The following FBXL17 variants were observed in gnomAD, a reference collection of about 807,000 sequenced individuals.
FBXL17 encodes F-box/LRR-repeat protein 17.
A neutral mutation model predicts 66.2 loss-of-function variants in FBXL17; 22 were observed. That is an observed-to-expected ratio of 0.33 (90% CI 0.24 to 0.47). FBXL17 has a LOEUF of 0.47. Ranked by LOEUF, FBXL17 falls within the 20% of genes least tolerant of loss-of-function variation. The probability of loss-of-function intolerance (pLI) is 1.00; values close to 1 mark genes in which losing one functional copy is unlikely to be tolerated. For synonymous variants in FBXL17, 474 were observed against 400.5 expected, an observed-to-expected ratio of 1.18 and a Z score of -2.19; for missense variants, 878 against 948.2, an observed-to-expected ratio of 0.93 and a Z score of 0.97.
intron 6 of FBXL17, among the ~76,000 whole-genome samples, chr5:108,114,470 GA>G (rs1750165149): frequency 6.6e-6 from 1 of 152,192 alleles, no homozygotes; most frequent in African/African-American, 2.4e-5. Flanking sequence ...AATTAGGCAA[GA>G]AAATAATTTT....
At chr5:107,943,579 T>C (rs1471214136) in intron 7 of FBXL17, among the ~76,000 whole-genome samples, 9 of 149,224 alleles carry the variant, frequency 6.0e-5, no homozygotes, top group African/African-American at 2.2e-4. Context: ...TCTACTGCAA[T>C]CATTGTAGTT....
chr5:108,297,747 A>T (rs1322656767), intron 4 of FBXL17: 2 of 633,224 alleles, frequency 3.2e-6, no homozygotes, highest in Admixed American at 1.3e-4. Context: ...AACTTCAAAA[A>T]AAGTTTATTC....
intron 6 of FBXL17, among the ~76,000 whole-genome samples, chr5:108,113,093 A>T (rs1221026077): frequency 6.6e-6 from 1 of 152,194 alleles, no homozygotes; most frequent in Non-Finnish European, 1.5e-5. Context: ...CTAATAACTC[A>T]CCCAGTCTTT....
chr5:108,144,542 C>T (rs1751483325), intron 6 of FBXL17, among the ~76,000 whole-genome samples: 1 of 152,166 alleles, frequency 6.6e-6, no homozygotes, highest in African/African-American at 2.4e-5. Context: ...CCGACTTCTG[C>T]AGATTTTTCT....
At chr5:108,187,214 G>C (rs1753273640) in intron 5 of FBXL17, among the ~76,000 whole-genome samples, 1 of 152,120 alleles carries the variant, frequency 6.6e-6, no homozygotes, top group East Asian at 1.9e-4. Flanking sequence ...TTTACATAAA[G>C]GTGGTAGGAT....
chr5:108,341,470 A>T (rs1580850641), intron 4 of FBXL17, among the ~76,000 whole-genome samples: 1 of 152,180 alleles, frequency 6.6e-6, no homozygotes, highest in East Asian at 1.9e-4. Flanking sequence ...AGCAGCAGCA[A>T]ATTTAATAAA....
intron 7 of FBXL17, among the ~76,000 whole-genome samples, chr5:107,915,455 T>G (rs1424172308): frequency 6.6e-6 from 1 of 152,178 alleles, no homozygotes; most frequent in African/African-American, 2.4e-5. Context: ...AGGGCTGGGA[T>G]AGGGGACTGG....
intron 6 of FBXL17, among the ~76,000 whole-genome samples, chr5:108,085,630 T>C (rs1748940054): frequency 6.6e-6 from 1 of 152,162 alleles, no homozygotes; most frequent in Non-Finnish European, 1.5e-5. Context: ...GCATACTGAA[T>C]ACTTTGAACA....
chr5:107,975,577 C>T (rs1465437949), intron 7 of FBXL17, among the ~76,000 whole-genome samples: 3 of 152,062 alleles, frequency 2.0e-5, no homozygotes, highest in Admixed American at 6.6e-5. Flanking sequence ...TGTTTTGGCA[C>T]ACTCTATTAT....
At chr5:108,375,593 C>G (rs994978350) in intron 1 of FBXL17, among the ~76,000 whole-genome samples, 32 of 152,050 alleles carry the variant, frequency 2.1e-4, no homozygotes, top group African/African-American at 6.5e-4. Context: ...AATAGAAAAT[C>G]TGAGTAGATG....
At chr5:108,110,656 A>T (rs1749996953) in intron 6 of FBXL17, among the ~76,000 whole-genome samples, 1 of 151,850 alleles carries the variant, frequency 6.6e-6, no homozygotes, top group East Asian at 1.9e-4. Flanking sequence ...AGTATTCTTT[A>T]TTTTCTTGTT....
intron 8 of FBXL17, among the ~76,000 whole-genome samples, chr5:107,876,463 T>C (rs1168989062): frequency 6.6e-6 from 1 of 152,232 alleles, no homozygotes. Context: ...ACGTTTATGA[T>C]GTTATTCACT....
chr5:107,982,526 G>T (rs57099988), intron 7 of FBXL17, among the ~76,000 whole-genome samples: 19,477 of 151,902 alleles, frequency 0.13, 1,307 homozygotes, highest in African/African-American at 0.16. Context: ...AAAACTTTCC[G>T]CTACTGAGAA....
intron 5 of FBXL17, among the ~76,000 whole-genome samples, chr5:108,202,957 G>A (rs1753958253): frequency 6.6e-6 from 1 of 151,930 alleles, no homozygotes; most frequent in Non-Finnish European, 1.5e-5. Context: ...AACCTTTAAT[G>A]GGTCAGCAGG....
chr5:107,980,153 T>C (rs1380705013), intron 7 of FBXL17, among the ~76,000 whole-genome samples: 1 of 152,140 alleles, frequency 6.6e-6, no homozygotes. Context: ...AGCTTCCAGT[T>C]TCATTTTGCA....
At chr5:108,182,935 T>C (rs1358345087) in intron 6 of FBXL17, among the ~76,000 whole-genome samples, 1 of 152,132 alleles carries the variant, frequency 6.6e-6, no homozygotes, top group African/African-American at 2.4e-5. Flanking sequence ...ATCTTATTTA[T>C]CAATTATAGT....
At chr5:107,965,072 T>C (rs1237954145) in intron 7 of FBXL17, among the ~76,000 whole-genome samples, 4 of 152,164 alleles carry the variant, frequency 2.6e-5, no homozygotes, top group Admixed American at 2.6e-4. Flanking sequence ...ATATTGTACT[T>C]GCTTATTAGA....
At chr5:108,348,612 G>T (rs80125529) in intron 3 of FBXL17, 82 bp from the exon 4 acceptor site, 30,121 of 1,426,460 alleles carry the variant, frequency 0.021, 394 homozygotes, top group Middle Eastern at 0.031. Context: ...ATAATTTTTT[G>T]AAAATAACCA....
intron 4 of FBXL17, among the ~76,000 whole-genome samples, chr5:108,291,929 T>G (rs1275419942): frequency 6.6e-6 from 1 of 152,142 alleles, no homozygotes; most frequent in African/African-American, 2.4e-5. Flanking sequence ...ATCACTGCCC[T>G]CAGTTCAGGT....
Sources: allele counts gnomAD v4.1 joint callset (sites outside exome capture counted in the v4.1 genomes callset), GRCh38; gene constraint gnomAD v4.1.1; transcripts MANE v1.5; gene names NCBI Gene and HGNC (gene_info 2026-07-23, HGNC 2026-07-21).